Variants in MACROD2 observed in about 807,000 individuals in gnomAD.
MACROD2 encodes mono-ADP ribosylhydrolase 2.
MACROD2 carries 36 observed loss-of-function variants against 70.4 expected under a neutral mutation model. That is an observed-to-expected ratio of 0.51 (90% CI 0.39 to 0.68). MACROD2 has a LOEUF of 0.68. MACROD2 is among the 30% of genes least tolerant of loss of function. The pLI is 0.00. For missense variants in MACROD2, 496 were observed against 538.4 expected (o/e 0.92, Z 0.78); for synonymous variants, 172 against 178.8 (o/e 0.96, Z 0.30).
intron 8 of MACROD2, among the ~76,000 whole-genome samples, chr20:15,765,907 CT>C (rs34084404): frequency 0.37 from 56,010 of 151,828 alleles, 10,630 homozygotes; most frequent in African/African-American, 0.46. Context: ...AATGCATATA[CT>C]TTTTGTTTTT....
intron 5 of MACROD2, among the ~76,000 whole-genome samples, chr20:15,169,662 G>A (rs2076409570): frequency 6.6e-6 from 1 of 152,180 alleles, no homozygotes; most frequent in South Asian, 2.1e-4. Context: ...GACCACTGAT[G>A]TAGTTTTAGT....
At chr20:15,903,365 T>A (rs2065094969) in intron 10 of MACROD2, among the ~76,000 whole-genome samples, 1 of 152,046 alleles carries the variant, frequency 6.6e-6, no homozygotes, top group South Asian at 2.1e-4. Flanking sequence ...AAAGCCCCAA[T>A]GATCGAGGCG....
intron 5 of MACROD2, among the ~76,000 whole-genome samples, chr20:15,208,510 CT>C (rs1242962457): frequency 3.3e-5 from 5 of 152,112 alleles, no homozygotes; most frequent in African/African-American, 1.2e-4. Context: ...TTATAAGACT[CT>C]GGATCTTTTT....
chr20:15,597,284 G>C (rs1040698345), intron 8 of MACROD2, among the ~76,000 whole-genome samples: 1 of 152,224 alleles, frequency 6.6e-6, no homozygotes, highest in Non-Finnish European at 1.5e-5. Flanking sequence ...ATATTGGCCT[G>C]AGGCGTGTCT....
chr20:14,359,429 A>G (rs1028280300), intron 3 of MACROD2, among the ~76,000 whole-genome samples: 1 of 152,214 alleles, frequency 6.6e-6, no homozygotes, highest in African/African-American at 2.4e-5. Flanking sequence ...AATATTAAAA[A>G]TAGAACTACC....
intron 17 of MACROD2, among the ~76,000 whole-genome samples, chr20:16,047,963 A>G (rs2067406596): frequency 1.3e-5 from 2 of 152,186 alleles, no homozygotes. Flanking sequence ...GCATGGGGAG[A>G]GAAAAAGGCT....
At chr20:14,912,016 T>A (rs893054777) in intron 5 of MACROD2, among the ~76,000 whole-genome samples, 1 of 152,146 alleles carries the variant, frequency 6.6e-6, no homozygotes, top group Non-Finnish European at 1.5e-5. Flanking sequence ...AGATAGTGAT[T>A]AGCCCAATTT....
intron 2 of MACROD2, among the ~76,000 whole-genome samples, chr20:14,029,384 C>A (rs1042369784): frequency 1.3e-5 from 2 of 152,092 alleles, no homozygotes; most frequent in African/African-American, 2.4e-5. Flanking sequence ...ATATTTGAGG[C>A]TTTCCTCCTT....
At chr20:14,777,101 T>C (rs1407158080) in intron 5 of MACROD2, among the ~76,000 whole-genome samples, 1 of 152,130 alleles carries the variant, frequency 6.6e-6, no homozygotes, top group Non-Finnish European at 1.5e-5. Context: ...TTTGGGGATA[T>C]TATGAATAGA....
intron 3 of MACROD2, among the ~76,000 whole-genome samples, chr20:14,245,997 T>A (rs2081965889): frequency 6.6e-6 from 1 of 152,238 alleles, no homozygotes; most frequent in African/African-American, 2.4e-5. Context: ...CATTTAAAGC[T>A]CTGGACAGTC....
At chr20:14,013,865 T>C (rs1601113049) in intron 2 of MACROD2, among the ~76,000 whole-genome samples, 1 of 151,816 alleles carries the variant, frequency 6.6e-6, no homozygotes, top group African/African-American at 2.4e-5. Flanking sequence ...TATATTTTAG[T>C]AGAGATGGGT....
intron 5 of MACROD2, among the ~76,000 whole-genome samples, chr20:14,857,796 A>G (rs2073271041): frequency 8.3e-6 from 1 of 120,662 alleles, no homozygotes; most frequent in African/African-American, 2.9e-5. Flanking sequence ...TCAATAGGGA[A>G]CTGTGCTTTT....
At chr20:14,720,546 T>C (rs1460973481) in intron 5 of MACROD2, among the ~76,000 whole-genome samples, 1 of 86,072 alleles carries the variant, frequency 1.2e-5, no homozygotes, top group Admixed American at 1.2e-4. Flanking sequence ...CTTTTTTTTT[T>C]TTTTTTTTTT....
rs1422162125 is a variant in MACROD2 at position 14,479,542 on chromosome 20, A to G, written c.272-13937A>G. ...GGAGGTTGTAAGATGCCCTGCAACT[A>G]TGCTGTTCCTCCAGACCTGGGTTCT... On this transcript the variant is annotated intron_variant, in intron 3 of 17. Coordinates refer to ENST00000684519, the MANE Select transcript of MACROD2 (RefSeq NM_001351661.2). 7.9e-5 allele frequency among the ~76,000 whole-genome samples: 12 copies of G among 152,136 alleles called. 1 individual carries two copies. Among genetic ancestry groups the G allele is most frequent in the Non-Finnish European group, 1.5e-5 (1 of 68,010 alleles).
chr20:14,192,093 T>G (rs1292655530), intron 3 of MACROD2, among the ~76,000 whole-genome samples: 1 of 152,206 alleles, frequency 6.6e-6, no homozygotes, highest in Non-Finnish European at 1.5e-5. Flanking sequence ...TAGACACTAG[T>G]AGGCATTCTA....
chr20:15,123,607 C>CTTGTT (rs1555784940), intron 5 of MACROD2, among the ~76,000 whole-genome samples: 4 of 151,748 alleles, frequency 2.6e-5, no homozygotes, highest in Admixed American at 2.0e-4. Context: ...ATTCATTGCA[C>CTTGTT]TTATTTTTTA....
In MACROD2 at chr20:15,433,818, A is replaced by G. The variant is rs2046394488; in HGVS notation, c.571+2383A>G. Among the ~76,000 whole-genome samples the G allele has an allele frequency of 2.0e-5, 3 of 152,130 alleles. No individual in the cohort carries two copies. In the South Asian group the frequency reaches 6.2e-4, roughly 31 times the overall value. On this transcript the variant is annotated intron_variant, in intron 7 of 17. Coordinates refer to ENST00000684519, the MANE Select transcript of MACROD2 (RefSeq NM_001351661.2). ...ATTATACTACAGGTCTATAACTAAC[A>G]AAACAGCATGGTACTCCTATAAAGC... is the stretch of plus-strand genomic sequence containing the variant.
chr20:15,974,287 A>T (rs2066273389), intron 13 of MACROD2, among the ~76,000 whole-genome samples: 1 of 152,176 alleles, frequency 6.6e-6, no homozygotes, highest in East Asian at 1.9e-4. Flanking sequence ...AAACATAGAA[A>T]TGAAACTATA....
At chr20:15,510,862 T>G (rs971516489) in intron 8 of MACROD2, among the ~76,000 whole-genome samples, 2 of 152,208 alleles carry the variant, frequency 1.3e-5, no homozygotes, top group African/African-American at 4.8e-5. Context: ...ACATTTCTAT[T>G]TATGAACCCC....
Sources: allele counts gnomAD v4.1 joint callset (sites outside exome capture counted in the v4.1 genomes callset), GRCh38; gene constraint gnomAD v4.1.1; transcripts MANE v1.5; gene names NCBI Gene and HGNC (gene_info 2026-07-23, HGNC 2026-07-21).